Variants in EML4 observed in about 807,000 individuals in gnomAD.
The protein encoded by EML4 is EMAP like 4.
In EML4, 72 loss-of-function variants were observed where a neutral mutation model predicts 129.0. The ratio of observed to expected loss-of-function variants is 0.56; its 90% confidence interval spans 0.46 to 0.68. EML4 has a LOEUF of 0.68. Among genes scored for constraint, EML4 ranks in the 30% least tolerant of loss-of-function variants. The pLI is 0.00. For synonymous variants in EML4, 532 were observed against 405.0 expected, an observed-to-expected ratio of 1.31 and a Z score of -3.77; for missense variants, 1,363 against 1,190.6, an observed-to-expected ratio of 1.14 and a Z score of -2.13.
chr2:42,247,806 G>A (rs1294186890), intron 2 of EML4, among the ~76,000 whole-genome samples: 1 of 151,982 alleles, frequency 6.6e-6, no homozygotes, highest in Non-Finnish European at 1.5e-5. Flanking sequence ...AGCTAGATCT[G>A]TTAATGTATA....
chr2:42,245,936 A>G (rs1339788547), intron 2 of EML4, among the ~76,000 whole-genome samples: 1 of 152,132 alleles, frequency 6.6e-6, no homozygotes, highest in Non-Finnish European at 1.5e-5. Context: ...TGAAGTTAGT[A>G]TCTTCCAACT....
Position 42,245,651 on chromosome 2 carries a change from C to A in EML4, c.172C>A (p.His58Asn). The A allele has an allele frequency of 1.2e-6, 2 of 1,611,884 alleles. No individual in the cohort carries two copies. Among genetic ancestry groups the A allele is most frequent in the Non-Finnish European group, 1.7e-6 (2 of 1,178,896 alleles). ...GAGGCGTCTTGCAATCTCTGAAGATCATGTGGCCTCAGTGAAAAAATCAGT... is the reference window on the plus strand; with the variant it reads ...GAGGCGTCTTGCAATCTCTGAAGATAATGTGGCCTCAGTGAAAAAATCAGT... Reference protein sequence around the residue: ...VLRRLAISEDHVASVKKSVSS... With the variant: ...VLRRLAISEDNVASVKKSVSS... Residue 58 changes from histidine to asparagine, a missense_variant, in exon 2 of 23, where the codon CAT (histidine) becomes AAT (asparagine). Physicochemically the swap from His to Asn is moderately conservative, Grantham distance 68. Transcript: ENST00000318522.
intron 1 of EML4, among the ~76,000 whole-genome samples, chr2:42,228,717 A>G (rs532187445): frequency 4.6e-5 from 7 of 152,226 alleles, no homozygotes; most frequent in Admixed American, 1.3e-4. Context: ...TGTGAGTTCT[A>G]CAATTTTCTG....
chr2:42,290,620 T>A (rs1264674471), intron 11 of EML4, among the ~76,000 whole-genome samples: 2 of 150,794 alleles, frequency 1.3e-5, no homozygotes, highest in East Asian at 3.9e-4. Flanking sequence ...TAGTTCCAGC[T>A]ATTTGGGAGG....
At chr2:42,261,584 T>A (rs1665740562) in intron 4 of EML4, 1 of 239,342 alleles carries the variant, frequency 4.2e-6, no homozygotes, top group East Asian at 7.5e-5. Flanking sequence ...AATATTTTCT[T>A]AACCACATTT....
chr2:42,311,582 T>A (rs1668953714), intron 17 of EML4, among the ~76,000 whole-genome samples: 1 of 152,136 alleles, frequency 6.6e-6, no homozygotes, highest in African/African-American at 2.4e-5. Flanking sequence ...CATGAGAGTG[T>A]CATAAAGTTT....
chr2:42,266,349 A>G (rs1373505706), intron 6 of EML4, among the ~76,000 whole-genome samples: 1 of 152,196 alleles, frequency 6.6e-6, no homozygotes, highest in Non-Finnish European at 1.5e-5. Context: ...AATACATTAT[A>G]TATCAAAACT....
chr2:42,266,173 T>C (rs2104405663), intron 6 of EML4, among the ~76,000 whole-genome samples: 1 of 152,218 alleles, frequency 6.6e-6, no homozygotes, highest in East Asian at 1.9e-4. Flanking sequence ...GTAATAGTCT[T>C]TAGGTCATTT....
At chr2:42,301,851 T>A (rs1558591157) in intron 14 of EML4, among the ~76,000 whole-genome samples, 2 of 152,170 alleles carry the variant, frequency 1.3e-5, no homozygotes, top group Non-Finnish European at 2.9e-5. Flanking sequence ...CAGTTCATAC[T>A]GAAAATGCAA....
At chr2:42,242,013 A>G (rs1348411841) in intron 1 of EML4, among the ~76,000 whole-genome samples, 4 of 152,332 alleles carry the variant, frequency 2.6e-5, no homozygotes, top group Non-Finnish European at 5.9e-5. Context: ...GAATTTTACA[A>G]GCTGAACCAC....
chr2:42,217,133 A>G (rs1413276023), intron 1 of EML4, among the ~76,000 whole-genome samples: 1 of 152,236 alleles, frequency 6.6e-6, no homozygotes, highest in African/African-American at 2.4e-5. Flanking sequence ...GTTTACCTGC[A>G]GATTTAAGCA....
intron 6 of EML4, among the ~76,000 whole-genome samples, chr2:42,279,785 TTATTA>T (rs1666904537): frequency 6.6e-6 from 1 of 150,436 alleles, no homozygotes. Context: ...TCTTTTTTTA[TTATTA>T]TTATTATTAT....
chr2:42,273,162 A>C, intron 6 of EML4, among the ~76,000 whole-genome samples: 1 of 152,294 alleles, frequency 6.6e-6, no homozygotes. Context: ...TCATTTATTT[A>C]GTGCTTTAAA....
At chr2:42,262,262 C>G (rs919824677) in intron 4 of EML4, among the ~76,000 whole-genome samples, 3 of 152,068 alleles carry the variant, frequency 2.0e-5, no homozygotes, top group African/African-American at 7.2e-5. Context: ...GCATGTTTAC[C>G]ACTTACAAAA....
intron 19 of EML4, among the ~76,000 whole-genome samples, chr2:42,323,661 G>C (rs1461261557): frequency 6.6e-6 from 1 of 152,006 alleles, no homozygotes; most frequent in Non-Finnish European, 1.5e-5. Flanking sequence ...TCCTGGTCAG[G>C]TGCAGTGGCT....
chr2:42,298,764 A>G (rs781255985), intron 13 of EML4, among the ~76,000 whole-genome samples: 2 of 152,044 alleles, frequency 1.3e-5, no homozygotes, highest in African/African-American at 2.4e-5. Context: ...TGTCATGTTT[A>G]GAAATACGGA....
At chr2:42,281,273 A>G (rs1041312936) in intron 7 of EML4, among the ~76,000 whole-genome samples, 3 of 151,982 alleles carry the variant, frequency 2.0e-5, no homozygotes, top group African/African-American at 7.2e-5. Flanking sequence ...CATGCCTGTA[A>G]TCCCAGCTAC....
At chr2:42,312,265 C>G (rs1007573971) in intron 17 of EML4, among the ~76,000 whole-genome samples, 1 of 117,662 alleles carries the variant, frequency 8.5e-6, no homozygotes, top group Non-Finnish European at 1.9e-5. Context: ...AAATTCTAAG[C>G]CCCCCCCCAC....
intron 1 of EML4, among the ~76,000 whole-genome samples, chr2:42,179,941 G>A (rs1558477763): frequency 6.6e-6 from 1 of 152,144 alleles, no homozygotes; most frequent in Non-Finnish European, 1.5e-5. Context: ...TGTACATATA[G>A]AGGGAGGGAG....
Sources: gnomAD v4.1 joint callset for allele counts (sites outside exome capture counted in the v4.1 genomes callset) on GRCh38, gnomAD v4.1.1 for gene constraint, MANE v1.5 for transcripts, NCBI Gene and HGNC (gene_info 2026-07-23, HGNC 2026-07-21) for gene names.